The following DBX2 variants were observed in gnomAD, a reference collection of about 807,000 sequenced individuals.
DBX2 encodes developing brain homeobox 2.
A neutral mutation model predicts 17.7 loss-of-function variants in DBX2; 16 were observed. The observed-to-expected ratio is 0.90, with a 90% CI of 0.61 to 1.37. The LOEUF is 1.37. Among genes scored for constraint, DBX2 ranks in the 40% most tolerant of loss-of-function variants. The probability of loss-of-function intolerance (pLI) is 0.00; values close to 1 mark genes in which losing one functional copy is unlikely to be tolerated. For synonymous variants in DBX2, 255 were observed against 183.8 expected (o/e 1.39, Z -3.13); for missense variants, 538 against 433.8 (o/e 1.24, Z -2.13).
Position 45,050,839 on chromosome 12 carries a change from C to T in DBX2, c.89G>A (p.Gly30Asp). Residue 30 changes from glycine to aspartate, a missense_variant, in exon 1 of 4, where the codon GGC (glycine) becomes GAC (aspartate). Physicochemically the swap from Gly to Asp is moderately conservative, Grantham distance 94. Transcript: ENST00000332700. ...GAAACTCTTGCCCAGGTTGCCAAAG[C>T]CGGGCGCAGCGGGGAGGTTGAGGAG... ...SALLNLPAAP[G>D]FGNLGKSFLI... The T allele has an allele frequency of 1.9e-6, 3 of 1,538,590 alleles. No homozygotes were observed. Among genetic ancestry groups the T allele is most frequent in the South Asian group, 1.2e-5 (1 of 81,846 alleles).
At position 45,050,964 on chromosome 12, in the gene DBX2, G is replaced by C; in HGVS notation, c.-37C>G. The C allele has an allele frequency of 4.4e-6, 6 of 1,377,788 alleles. No homozygotes were observed. The highest frequency in any genetic ancestry group is 5.6e-6 in the Non-Finnish European group (6 of 1,066,918). The allele number at this position is 1,377,788 out of a possible 1,614,324, so 85.3% of individuals were successfully genotyped here. A position where few individuals can be genotyped will look rare whatever the true frequency, so the allele number is the denominator to read the frequency against. On this transcript the variant is annotated 5_prime_UTR_variant, in exon 1 of 4. Transcript: ENST00000332700. The stretch of plus-strand genomic sequence containing the variant: ...AACCGGTCTGCTGCGCGCCCGCCTT[G>C]CGCCCGCCTGTCGCCCGGGCGCCCC...
intron 1 of DBX2, 143 bp from the exon 2 acceptor site, chr12:45,036,257 T>C: frequency 1.3e-6 from 1 of 758,324 alleles, no homozygotes; most frequent in South Asian, 3.0e-5. Context: ...AAGTAGCCTT[T>C]GTCTGTCAAA....
At chr12:45,017,697 G>A (rs1381002180) in intron 3 of DBX2, among the ~76,000 whole-genome samples, 1 of 152,236 alleles carries the variant, frequency 6.6e-6, no homozygotes, top group East Asian at 1.9e-4. Flanking sequence ...CAACCCAAAA[G>A]AGGTTAGTCT....
chr12:45,045,909 T>C (rs952708670), intron 1 of DBX2, among the ~76,000 whole-genome samples: 11 of 152,186 alleles, frequency 7.2e-5, no homozygotes, highest in Admixed American at 2.6e-4. Context: ...TTACAGGCAT[T>C]CAAACCATCG....
At chr12:45,020,799 C>T (rs756545439) in intron 3 of DBX2, among the ~76,000 whole-genome samples, 2 of 151,644 alleles carry the variant, frequency 1.3e-5, no homozygotes, top group Admixed American at 6.6e-5. Context: ...AATGTAAGGG[C>T]GCATGGTAAG....
At chr12:45,035,422 C>G (rs1946434696) in intron 2 of DBX2, among the ~76,000 whole-genome samples, 1 of 152,088 alleles carries the variant, frequency 6.6e-6, no homozygotes, top group Admixed American at 6.5e-5. Flanking sequence ...TGTGTGCACA[C>G]TGCGAGATTT....
At position 45,042,037 on chromosome 12, in the gene DBX2, A is replaced by G. The variant is rs151074312; in HGVS notation, c.404-5923T>C. ...ATTAGAATTGTCTGGGCTGCTTCTC[A>G]AAGATACAGATGCCTAGCCCCCACA... On this transcript the variant is annotated intron_variant, in intron 1 of 3. Coordinates refer to ENST00000332700, the MANE Select transcript of DBX2 (RefSeq NM_001004329.3). 3.2e-3 allele frequency among the ~76,000 whole-genome samples: 491 copies of G among 152,312 alleles called. 2 individuals are homozygous for G. The highest frequency in any genetic ancestry group is 0.011 in the African/African-American group (457 of 41,558).
chr12:45,029,382 A>AATTACC (rs1363848940), intron 2 of DBX2, among the ~76,000 whole-genome samples: 1 of 152,208 alleles, frequency 6.6e-6, no homozygotes, highest in Non-Finnish European at 1.5e-5. Flanking sequence ...TGGAAGAAGA[A>AATTACC]ATTACCACCC....
rs1452409700 is a variant in DBX2 at position 45,050,634 on chromosome 12, G to A, written c.294C>T (p.Pro98=). ...CTTGAAAAGCCCACCGCGTTCCGTA[G>A]GGCGCCCCGGCGGGGCTAACTTGTT... is the stretch of plus-strand genomic sequence containing the variant. ...AAEQVSPAGA[P]YGTRWAFQVL... The change falls in exon 1 of 4, where the codon CCC becomes CCT. Residue 98 remains proline, a synonymous_variant. Transcript: ENST00000332700. 6.5e-7 allele frequency: 1 copy of A among 1,550,132 alleles called. No homozygotes were observed. Among genetic ancestry groups the A allele is most frequent in the East Asian group, 2.4e-5 (1 of 40,938 alleles).
intron 1 of DBX2, 70 bp downstream of exon 1, chr12:45,050,455 T>A (rs11182810): frequency 0.47 from 717,957 of 1,519,050 alleles, 173,354 homozygotes; most frequent in South Asian, 0.68. Flanking sequence ...CCGCCGGCGC[T>A]CCCAGATCCC....
At chr12:45,046,408 G>A (rs929790457) in intron 1 of DBX2, among the ~76,000 whole-genome samples, 10 of 152,044 alleles carry the variant, frequency 6.6e-5, no homozygotes, top group African/African-American at 9.7e-5. Context: ...TATCCCATTC[G>A]GAATCCCCTG....
rs1946319811 is a variant in DBX2 at position 45,015,750 on chromosome 12, T to C, written c.*536A>G. 1 of 152,216 alleles carries C rather than the reference T, an allele frequency of 6.6e-6. No homozygotes were observed. Among genetic ancestry groups the C allele is most frequent in the African/African-American group, 2.4e-5 (1 of 41,464 alleles). 9.4% of individuals were successfully genotyped at this position (152,216 alleles called of 1,614,324 possible). A position where few individuals can be genotyped will look rare whatever the true frequency, so the allele number is the denominator to read the frequency against. ...TGTTGAGGACTGCTGAGCTAAGGTG[T>C]TAAAATTCACTTACAGCTGGATACC... On this transcript the variant is annotated 3_prime_UTR_variant, in exon 4 of 4. Transcript: ENST00000332700.
intron 3 of DBX2, among the ~76,000 whole-genome samples, chr12:45,016,944 C>T (rs1946327240): frequency 6.6e-6 from 1 of 152,028 alleles, no homozygotes; most frequent in African/African-American, 2.4e-5. Flanking sequence ...CCACCATAAC[C>T]GGCTAATTTT....
intron 1 of DBX2, among the ~76,000 whole-genome samples, chr12:45,046,912 T>C (rs1946503620): frequency 2.0e-5 from 3 of 152,214 alleles, no homozygotes. Flanking sequence ...TCAATTCACC[T>C]ATCCAGAATG....
intron 1 of DBX2, 128 bp downstream of exon 1, chr12:45,050,397 G>A: frequency 3.1e-6 from 4 of 1,304,224 alleles, no homozygotes; most frequent in Non-Finnish European, 3.1e-6. Context: ...TAAAGCTCGA[G>A]ATGCTCCAGG....
At chr12:45,047,211 G>T (rs1049442799) in intron 1 of DBX2, among the ~76,000 whole-genome samples, 2 of 151,894 alleles carry the variant, frequency 1.3e-5, no homozygotes, top group African/African-American at 4.8e-5. Context: ...TTTTAATCAG[G>T]CATAATATTT....
chr12:45,040,164 A>C (rs145860757), intron 1 of DBX2, among the ~76,000 whole-genome samples: 1 of 152,302 alleles, frequency 6.6e-6, no homozygotes, highest in East Asian at 1.9e-4. Flanking sequence ...CTGCCAGTGC[A>C]GATAGAATAT....
At chr12:45,027,602 T>C (rs910951180) in intron 2 of DBX2, among the ~76,000 whole-genome samples, 3 of 152,220 alleles carry the variant, frequency 2.0e-5, no homozygotes, top group Non-Finnish European at 4.4e-5. Context: ...AGTACTTACA[T>C]TATGATTTTT....
chr12:45,033,354 T>C (rs1946419878), intron 2 of DBX2, among the ~76,000 whole-genome samples: 1 of 152,230 alleles, frequency 6.6e-6, no homozygotes, highest in Non-Finnish European at 1.5e-5. Flanking sequence ...TTTGGCTGTC[T>C]GAGCTGAAAC....
Sources: allele counts gnomAD v4.1 joint callset (sites outside exome capture counted in the v4.1 genomes callset), GRCh38; gene constraint gnomAD v4.1.1; transcripts MANE v1.5; gene names NCBI Gene and HGNC (gene_info 2026-07-23, HGNC 2026-07-21).